The following COPS2 variants were observed in gnomAD, a reference collection of about 807,000 sequenced individuals.
COPS2 encodes COP9 signalosome complex subunit 2.
A neutral mutation model predicts 66.1 loss-of-function variants in COPS2; 10 were observed. The observed-to-expected ratio is 0.15, with a 90% CI of 0.09 to 0.26. COPS2 has a LOEUF of 0.26. Ranked by LOEUF, COPS2 falls within the 10% of genes least tolerant of loss-of-function variation. The probability of loss-of-function intolerance (pLI) is 1.00; values close to 1 mark genes in which losing one functional copy is unlikely to be tolerated. For missense variants in COPS2, 215 were observed against 513.3 expected (o/e 0.42, Z 5.62); for synonymous variants, 179 against 171.3 (o/e 1.04, Z -0.35).
At chr15:49,155,027 G>A (rs1007335780) in intron 1 of COPS2, among the ~76,000 whole-genome samples, 3 of 152,212 alleles carry the variant, frequency 2.0e-5, no homozygotes, top group Admixed American at 2.0e-4. Flanking sequence ...TATGTCTCCA[G>A]GAGACTCACA....
rs2084140077 is a variant in COPS2, at chr15:49,123,433, C to T, written c.*4517G>A. On this transcript the variant is annotated 3_prime_UTR_variant, in exon 13 of 13. Transcript: ENST00000388901. Reference sequence around the variant, plus strand: ...GGTACACTGGTAATTCTTTTCATGGCATATGACATTTGCCTGTGTCAGAAA... The same window carrying T: ...GGTACACTGGTAATTCTTTTCATGGTATATGACATTTGCCTGTGTCAGAAA... 6.6e-6 allele frequency: 1 copy of T among 152,116 alleles called. No individual in the cohort carries two copies. Among genetic ancestry groups the T allele is most frequent in the African/African-American group, 2.4e-5 (1 of 41,420 alleles). The allele number at this position is 152,116 out of a possible 1,614,324, so 9.4% of individuals were successfully genotyped here.
At chr15:49,128,972 C>T (rs2084189034) in intron 11 of COPS2, among the ~76,000 whole-genome samples, 1 of 152,174 alleles carries the variant, frequency 6.6e-6, no homozygotes. Flanking sequence ...ATTCCTGCAA[C>T]AATTTTATTG....
chr15:49,152,659 T>TA (rs1451478604), intron 1 of COPS2, among the ~76,000 whole-genome samples: 2 of 152,002 alleles, frequency 1.3e-5, no homozygotes, highest in African/African-American at 4.8e-5. Context: ...CCGCCTCTAA[T>TA]AAAAACACAA....
At chr15:49,130,558 A>G (rs1286347831) in intron 10 of COPS2, among the ~76,000 whole-genome samples, 161 bp downstream of exon 10, 1 of 152,286 alleles carries the variant, frequency 6.6e-6, no homozygotes, top group Non-Finnish European at 1.5e-5. Context: ...AGAGCTTCAT[A>G]ATTTTAAGGA....
At chr15:49,150,872 A>G (rs1015149735) in intron 1 of COPS2, among the ~76,000 whole-genome samples, 5 of 152,180 alleles carry the variant, frequency 3.3e-5, no homozygotes, top group African/African-American at 1.2e-4. Context: ...ACTTATCTAT[A>G]TAACTAACCT....
chr15:49,142,991 G>A (rs1384242850), intron 3 of COPS2, among the ~76,000 whole-genome samples: 1 of 152,198 alleles, frequency 6.6e-6, no homozygotes. Flanking sequence ...AAGAAAAAGA[G>A]CAAAGAAGAA....
chr15:49,131,718 C>A (rs2084210548), intron 9 of COPS2, among the ~76,000 whole-genome samples: 2 of 152,054 alleles, frequency 1.3e-5, no homozygotes, highest in South Asian at 4.1e-4. Flanking sequence ...AAATACACTG[C>A]TGTAATATAC....
Position 49,139,648 on chromosome 15 carries a change from G to C in COPS2, c.252C>G (p.Asn84Lys). The C allele has an allele frequency of 6.3e-7, 1 of 1,582,208 alleles. No homozygotes were observed. The part of the protein sequence containing the change: ...QMIKINFKLT[N>K]FPEMMNRYKQ... The stretch of plus-strand genomic sequence containing the variant: ...TATATCTATTCATCATTTCTGGAAA[G>C]TTTGTCTGTGAGAAAAGAAAAATGA... The change falls in exon 4 of 13, where the codon AAC becomes AAG. Residue 84 changes from asparagine (N) to lysine (K), a missense_variant. Asn to Lys is a moderately conservative substitution (Grantham distance 94, BLOSUM62 0). Transcript: ENST00000388901.
chr15:49,153,270 T>C (rs1048503364), intron 1 of COPS2, among the ~76,000 whole-genome samples: 9 of 150,006 alleles, frequency 6.0e-5, no homozygotes, highest in African/African-American at 2.2e-4. Context: ...TAAAAATATA[T>C]ACATGTGTAA....
chr15:49,148,240 C>T (rs982019899), intron 1 of COPS2, among the ~76,000 whole-genome samples: 1 of 152,058 alleles, frequency 6.6e-6, no homozygotes, highest in African/African-American at 2.4e-5. Flanking sequence ...AATTAACAAC[C>T]CTTCCCCTCA....
At chr15:49,152,806 G>C (rs1001751181) in intron 1 of COPS2, among the ~76,000 whole-genome samples, 12 of 152,048 alleles carry the variant, frequency 7.9e-5, no homozygotes, top group Non-Finnish European at 1.8e-4. Flanking sequence ...CTGGGCAACA[G>C]AGTGAGACTC....
intron 11 of COPS2, 150 bp from the exon 12 acceptor site, chr15:49,128,910 T>C (rs2084188492): frequency 1.8e-6 from 1 of 549,996 alleles, no homozygotes; most frequent in African/African-American, 2.0e-5. Context: ...CTTCAAAATA[T>C]ATCCGAGAAC....
In COPS2 at chr15:49,127,966, A is replaced by T. The variant is rs769677428; in HGVS notation, c.1316T>A (p.Val439Asp). Residue 439 changes from valine (V) to aspartate (D), a missense_variant, in exon 13 of 13, where the codon GTC becomes GAC. Val to Asp is a radical substitution (Grantham distance 152). Around this residue, in one of 5 missense-constraint regions of COPS2, gnomAD observed 42 missense variants for 55.9 expected, o/e 0.75. Transcript: ENST00000388901. ...NQLNSLNQAVVSKLA is the reference protein window; with the variant it reads ...NQLNSLNQAVDSKLA Reference sequence around the variant, plus strand: ...TGTTCTCTGTTAAGCCAGTTTACTGACTACAGCCTGGTTGAGAGAATTTAG... The same window carrying T: ...TGTTCTCTGTTAAGCCAGTTTACTGTCTACAGCCTGGTTGAGAGAATTTAG... The T allele has an allele frequency of 8.7e-6, 14 of 1,613,830 alleles. No homozygotes were observed. The Admixed American group carries it at 2.0e-4, about 23-fold the overall frequency.
chr15:49,141,409 T>C (rs2084288982), intron 3 of COPS2, among the ~76,000 whole-genome samples: 1 of 151,806 alleles, frequency 6.6e-6, no homozygotes, highest in African/African-American at 2.4e-5. Context: ...GGGAGGAGGA[T>C]AGCTTGAGCC....
At chr15:49,139,470 C>A in intron 4 of COPS2, 58 bp downstream of exon 4, 1 of 1,383,496 alleles carries the variant, frequency 7.2e-7, no homozygotes, top group Admixed American at 1.9e-5. Context: ...AAGAACAAAG[C>A]CCTTACTATA....
At chr15:49,128,941 A>T (rs2141121803) in intron 11 of COPS2, among the ~76,000 whole-genome samples, 181 bp from the exon 12 acceptor site, 1 of 152,310 alleles carries the variant, frequency 6.6e-6, no homozygotes, top group South Asian at 2.1e-4. Context: ...TAAAGACTTA[A>T]ATTTTTAACT....
At chr15:49,155,292 G>C (rs1358731357) in intron 1 of COPS2, among the ~76,000 whole-genome samples, 1 of 152,250 alleles carries the variant, frequency 6.6e-6, no homozygotes, top group Non-Finnish European at 1.5e-5. Context: ...CAGACTCGGA[G>C]GGCAAGGCCC....
At chr15:49,149,631 G>C (rs2084344889) in intron 1 of COPS2, among the ~76,000 whole-genome samples, 1 of 152,174 alleles carries the variant, frequency 6.6e-6, no homozygotes, top group South Asian at 2.1e-4. Flanking sequence ...ACACAACACA[G>C]AGCAGCCAGG....
intron 1 of COPS2, among the ~76,000 whole-genome samples, chr15:49,154,332 T>C (rs2084391491): frequency 6.6e-6 from 1 of 152,174 alleles, no homozygotes; most frequent in Non-Finnish European, 1.5e-5. Context: ...AAACCATAAC[T>C]ATTAGCGAAA....
Sources: gnomAD v4.1 joint callset for allele counts (sites outside exome capture counted in the v4.1 genomes callset) on GRCh38, gnomAD v4.1.1 for gene constraint, gnomAD v4.1.1 regional missense constraint, MANE v1.5 for transcripts, NCBI Gene and HGNC (gene_info 2026-07-23, HGNC 2026-07-21) for gene names.